Variants in WDFY3 observed in about 807,000 individuals in gnomAD.
The protein encoded by WDFY3 is WD repeat and FYVE domain containing 3.
A neutral mutation model predicts 409.6 loss-of-function variants in WDFY3; 66 were observed. That is an observed-to-expected ratio of 0.16 (90% CI 0.13 to 0.20). The LOEUF (loss-of-function observed/expected upper bound fraction) is 0.20. Ranked by LOEUF, WDFY3 falls within the 10% of genes least tolerant of loss-of-function variation. The pLI is 1.00. For synonymous variants in WDFY3, 1,521 were observed against 1,537.1 expected, an observed-to-expected ratio of 0.99 and a Z score of 0.25; for missense variants, 3,031 against 4,298.1, an observed-to-expected ratio of 0.71 and a Z score of 8.24.
chr4:84,809,831 G>T, intron 14 of WDFY3, 56 bp downstream of exon 14: 5 of 1,464,848 alleles, frequency 3.4e-6, no homozygotes, highest in Non-Finnish European at 4.7e-6. Context: ...AAGTCTTAAT[G>T]TTGAAGTCAT....
chr4:84,852,184 C>CTCA (rs1245496592), intron 4 of WDFY3, among the ~76,000 whole-genome samples: 1 of 152,198 alleles, frequency 6.6e-6, no homozygotes, highest in East Asian at 1.9e-4. Flanking sequence ...GACAATAGGT[C>CTCA]TCATAACTGA....
chr4:84,697,068 G>A (rs1730266637), intron 56 of WDFY3, among the ~76,000 whole-genome samples: 3 of 152,190 alleles, frequency 2.0e-5, no homozygotes, highest in Admixed American at 2.0e-4. Context: ...TTCAGGAAAT[G>A]CTGAGTTATA....
chr4:84,756,452 G>A (rs2149327952), intron 33 of WDFY3, among the ~76,000 whole-genome samples: 1 of 152,104 alleles, frequency 6.6e-6, no homozygotes, highest in Middle Eastern at 3.4e-3. Flanking sequence ...CAGCGGGGTA[G>A]CGCCTGACTG....
intron 2 of WDFY3, among the ~76,000 whole-genome samples, chr4:84,903,719 C>T (rs537251443): frequency 6.6e-6 from 1 of 152,298 alleles, no homozygotes; most frequent in African/African-American, 2.4e-5. Context: ...AATTAACCTT[C>T]TTTGAAGGTA....
chr4:84,707,945 T>C (rs1003358753), intron 53 of WDFY3, among the ~76,000 whole-genome samples: 2 of 152,194 alleles, frequency 1.3e-5, no homozygotes, highest in African/African-American at 4.8e-5. Context: ...CCTTAATATG[T>C]TGATGTCTAA....
rs1197331491 is a variant in WDFY3 at position 84,672,939 on chromosome 4, G to A, written c.10510C>T (p.Arg3504Cys). The A allele has an allele frequency of 3.1e-6, 5 of 1,614,028 alleles. No homozygotes were observed. The highest frequency in any genetic ancestry group is 4.2e-6 in the Non-Finnish European group (5 of 1,179,984). ...TTATAATAACAGTTCTGACAAACAC[G>A]CACCGGGGATGAGATTTTCAAGCGT... ...IKRLKISSPV[R>C]VCQNCYYNLQ... Residue 3504 changes from arginine to cysteine, a missense_variant, in exon 68 of 68, where the codon CGT becomes TGT. Transcript: ENST00000295888.
In WDFY3 at chr4:84,860,486, A is replaced by C. The variant is rs776807621; in HGVS notation, c.106T>G (p.Cys36Gly). 1 of 1,614,082 alleles carries C rather than the reference A, an allele frequency of 6.2e-7. No individual in the cohort carries two copies. The highest frequency in any genetic ancestry group is 8.5e-7 in the Non-Finnish European group (1 of 1,180,002). Residue 36 changes from cysteine to glycine, a missense_variant, in exon 4 of 68, where the codon TGC becomes GGC. By Grantham distance (159) the Cys-to-Gly change is radical (BLOSUM62 -3). Around this residue, in one of 16 missense-constraint regions of WDFY3, gnomAD observed 1,322 missense variants for 1,697.9 expected, o/e 0.78. Transcript: ENST00000295888. ...TGAGTCATGTGCCGGGGAGGATGGCACAACTCCGTGAAGAGCCGGCGGAGG... is the reference window on the plus strand; with the variant it reads ...TGAGTCATGTGCCGGGGAGGATGGCCCAACTCCGTGAAGAGCCGGCGGAGG... ...MHLRRLFTELCHPPRHMTQKE... is the reference protein window; with the variant it reads ...MHLRRLFTELGHPPRHMTQKE...
chr4:84,925,467 T>C (rs528612634), intron 2 of WDFY3, among the ~76,000 whole-genome samples: 4 of 151,892 alleles, frequency 2.6e-5, no homozygotes, highest in Admixed American at 1.3e-4. Context: ...GTCAGTATTA[T>C]TAAAAAAGAA....
chr4:84,951,226 G>A lies in WDFY3; in HGVS notation c.-226+14983C>T, dbSNP rs553305722. ...CTGTATTTCGGGCATCCGGGAATGA[G>A]TTACTGGTCAACATGTTTATCTTCT... On this transcript the variant is annotated intron_variant, in intron 1 of 67. Coordinates refer to ENST00000295888, the MANE Select transcript of WDFY3 (RefSeq NM_014991.6). 2.6e-4 allele frequency among the ~76,000 whole-genome samples: 39 copies of A among 152,310 alleles called. 1 individual carries two copies. In the South Asian group the frequency reaches 7.9e-3, roughly 31 times the overall value.
intron 21 of WDFY3, among the ~76,000 whole-genome samples, chr4:84,790,969 C>A (rs1040666624): frequency 6.6e-6 from 1 of 151,728 alleles, no homozygotes; most frequent in Non-Finnish European, 1.5e-5. Context: ...CAAGTGTTGG[C>A]AAGAATGTGG....
intron 12 of WDFY3, among the ~76,000 whole-genome samples, chr4:84,819,147 T>C (rs1368653330): frequency 6.6e-6 from 1 of 152,106 alleles, no homozygotes; most frequent in Non-Finnish European, 1.5e-5. Context: ...TCAGACTAAT[T>C]ACTTCTATAA....
At chr4:84,675,163 C>T (rs990810034) in intron 67 of WDFY3, among the ~76,000 whole-genome samples, 1 of 151,972 alleles carries the variant, frequency 6.6e-6, no homozygotes, top group Admixed American at 6.6e-5. Flanking sequence ...GCCATGTTGG[C>T]CAGGCTGGTC....
chr4:84,956,450 A>G (rs1774248679), intron 1 of WDFY3, among the ~76,000 whole-genome samples: 1 of 152,220 alleles, frequency 6.6e-6, no homozygotes, highest in Admixed American at 6.5e-5. Flanking sequence ...CAAGGGAAGA[A>G]CAAGTGTCTT....
intron 36 of WDFY3, among the ~76,000 whole-genome samples, chr4:84,748,493 C>G (rs1034179251): frequency 6.6e-6 from 1 of 152,044 alleles, no homozygotes; most frequent in African/African-American, 2.4e-5. Flanking sequence ...TAAATAATAT[C>G]ATTCTCTAGA....
At chr4:84,864,737 T>C (rs1761134788) in intron 3 of WDFY3, among the ~76,000 whole-genome samples, 1 of 152,206 alleles carries the variant, frequency 6.6e-6, no homozygotes, top group South Asian at 2.1e-4. Flanking sequence ...CCCAGTTAAG[T>C]GGCCTTCACC....
At chr4:84,913,602 C>T (rs561848703) in intron 2 of WDFY3, among the ~76,000 whole-genome samples, 7 of 151,864 alleles carry the variant, frequency 4.6e-5, no homozygotes, top group African/African-American at 1.7e-4. Flanking sequence ...ATAAGCAGTG[C>T]CAGAAAAAAA....
At chr4:84,800,894 C>T (rs1446548609) in intron 17 of WDFY3, among the ~76,000 whole-genome samples, 2 of 152,086 alleles carry the variant, frequency 1.3e-5, no homozygotes, top group African/African-American at 2.4e-5. Flanking sequence ...GCTGGCTCAC[C>T]CACAGCTTAC....
intron 15 of WDFY3, among the ~76,000 whole-genome samples, chr4:84,804,373 C>T (rs1312404856): frequency 1.3e-5 from 2 of 152,154 alleles, no homozygotes. Context: ...GGGACAAGAG[C>T]AGCTTGGGAA....
rs199668451 is a variant in WDFY3 at position 84,709,315 on chromosome 4, T to C, written c.8075A>G (p.Lys2692Arg). ...SGLLSTLVGE[K>R]SVTQRWERGE... ...TACCTCCCATCTCTGAGTCACAGAC[T>C]TCTCTCCAACCAAAGTGCTAAGTAA... The change falls in exon 52 of 68, where the codon AAG (lysine) becomes AGG (arginine). Residue 2692 changes from lysine (K) to arginine (R), a missense_variant. Physicochemically the swap from Lys to Arg is conservative, Grantham distance 26 (BLOSUM62 2). Transcript: ENST00000295888. 2 of 1,611,976 alleles carry C rather than the reference T, an allele frequency of 1.2e-6. No individual in the cohort carries two copies. The highest frequency in any genetic ancestry group is 8.5e-7 in the Non-Finnish European group (1 of 1,179,350).
Sources: gnomAD v4.1 joint callset for allele counts (sites outside exome capture counted in the v4.1 genomes callset) on GRCh38, gnomAD v4.1.1 for gene constraint, gnomAD v4.1.1 regional missense constraint, MANE v1.5 for transcripts, NCBI Gene and HGNC (gene_info 2026-07-23, HGNC 2026-07-21) for gene names.